DSTN: variants seen among roughly 807,000 people sequenced by gnomAD.
The protein encoded by DSTN is destrin, actin depolymerizing factor.
A neutral mutation model predicts 16.8 loss-of-function variants in DSTN; 10 were observed. The ratio of observed to expected loss-of-function variants is 0.60; its 90% CI spans 0.37 to 1.01. DSTN has a LOEUF of 1.01. DSTN is among the 50% of genes least tolerant of loss of function. DSTN has a pLI of 0.01. For missense variants in DSTN, 141 were observed against 196.7 expected, an observed-to-expected ratio of 0.72 and a Z score of 1.69; for synonymous variants, 57 against 58.9, an observed-to-expected ratio of 0.97 and a Z score of 0.14.
chr20:17,605,801 G>A (rs1428586175), intron 3 of DSTN, among the ~76,000 whole-genome samples: 1 of 152,128 alleles, frequency 6.6e-6, no homozygotes, highest in Non-Finnish European at 1.5e-5. Context: ...TTGATTTGGT[G>A]ATACTAAAAG....
intron 1 of DSTN, among the ~76,000 whole-genome samples, chr20:17,578,459 T>C (rs1209276982): frequency 2.6e-5 from 4 of 152,242 alleles, no homozygotes; most frequent in African/African-American, 7.2e-5. Flanking sequence ...GTATACTGCA[T>C]GATAATTTAC....
chr20:17,595,883 T>TA (rs946935129), intron 1 of DSTN, among the ~76,000 whole-genome samples: 2 of 152,206 alleles, frequency 1.3e-5, no homozygotes, highest in African/African-American at 4.8e-5. Flanking sequence ...CTAGAACAGT[T>TA]ACATCTCCCC....
intron 3 of DSTN, chr20:17,605,236 A>G: frequency 8.8e-6 from 4 of 455,130 alleles, no homozygotes; most frequent in Admixed American, 7.1e-5. Context: ...AAGAACGTGC[A>G]TGGGGCAAGT....
At chr20:17,601,989 G>A (rs1376728261) in intron 2 of DSTN, among the ~76,000 whole-genome samples, 5 of 150,506 alleles carry the variant, frequency 3.3e-5, no homozygotes, top group Non-Finnish European at 7.4e-5. Flanking sequence ...TTTGGCCTGA[G>A]TCAGGGCAAG....
At chr20:17,601,605 T>C (rs1013130961) in intron 2 of DSTN, among the ~76,000 whole-genome samples, 1 of 152,228 alleles carries the variant, frequency 6.6e-6, no homozygotes, top group Non-Finnish European at 1.5e-5. Context: ...TTACCACATT[T>C]CAAATGCTCA....
chr20:17,603,074 T>A (rs2035604279), intron 2 of DSTN, among the ~76,000 whole-genome samples: 1 of 152,168 alleles, frequency 6.6e-6, no homozygotes, highest in South Asian at 2.1e-4. Flanking sequence ...CTGCCAGTCC[T>A]GAGGTTGTGA....
At chr20:17,589,931 G>C (rs534375649) in intron 1 of DSTN, among the ~76,000 whole-genome samples, 1 of 152,222 alleles carries the variant, frequency 6.6e-6, no homozygotes, top group African/African-American at 2.4e-5. Context: ...CTTTCATCCT[G>C]TTTTCTCTAT....
intron 1 of DSTN, among the ~76,000 whole-genome samples, chr20:17,598,573 A>G (rs1430710733): frequency 1.3e-5 from 2 of 151,884 alleles, no homozygotes; most frequent in South Asian, 4.2e-4. Flanking sequence ...GCCTTTTTTT[A>G]TAATTGAGTT....
intron 1 of DSTN, 58 bp downstream of exon 1, chr20:17,570,269 G>A: frequency 6.2e-6 from 9 of 1,444,186 alleles, no homozygotes; most frequent in South Asian, 1.4e-5. Flanking sequence ...TGTGTCTCTG[G>A]GGCGCCGCGG....
chr20:17,574,681 G>A (rs747346761), intron 1 of DSTN, among the ~76,000 whole-genome samples: 5 of 126,966 alleles, frequency 3.9e-5, no homozygotes, highest in Non-Finnish European at 6.2e-5. Context: ...AGCTAAGATC[G>A]CACCATTGCA....
intron 1 of DSTN, among the ~76,000 whole-genome samples, chr20:17,571,398 T>C (rs2035205526): frequency 6.6e-6 from 1 of 152,214 alleles, no homozygotes; most frequent in Non-Finnish European, 1.5e-5. Context: ...GGCGGCCCCT[T>C]AGTGAAAGAA....
chr20:17,593,640 A>G (rs182904060), intron 1 of DSTN, among the ~76,000 whole-genome samples: 22 of 152,326 alleles, frequency 1.4e-4, no homozygotes, highest in South Asian at 6.2e-4. Context: ...GGGAAGTGCT[A>G]TCTAGGCAGG....
At chr20:17,592,327 T>C (rs2122190591) in intron 1 of DSTN, among the ~76,000 whole-genome samples, 1 of 150,784 alleles carries the variant, frequency 6.6e-6, no homozygotes, top group Non-Finnish European at 1.5e-5. Flanking sequence ...CTCAGGAGGC[T>C]GAGGTGGGAG....
chr20:17,591,704 GAT>G (rs1487660438), intron 1 of DSTN, among the ~76,000 whole-genome samples: 1 of 152,178 alleles, frequency 6.6e-6, no homozygotes, highest in East Asian at 1.9e-4. Context: ...ATTAGAGTTA[GAT>G]AATAACTGAT....
chr20:17,587,672 T>C (rs1018670151), intron 1 of DSTN, among the ~76,000 whole-genome samples: 29 of 152,084 alleles, frequency 1.9e-4, no homozygotes, highest in African/African-American at 6.8e-4. Context: ...GTGACTTTGA[T>C]ATTAGAGGCA....
At chr20:17,572,216 G>A (rs2035214931) in intron 1 of DSTN, among the ~76,000 whole-genome samples, 1 of 152,196 alleles carries the variant, frequency 6.6e-6, no homozygotes, top group Admixed American at 6.5e-5. Context: ...CTGAAATAAA[G>A]CAGTTTGAAA....
Position 17,570,173 on chromosome 20 carries a change from T to C in DSTN, c.-36T>C. The C allele has an allele frequency of 2.0e-6, 3 of 1,518,220 alleles. No individual in the cohort carries two copies. The highest frequency in any genetic ancestry group is 2.6e-6 in the Non-Finnish European group (3 of 1,136,928). The allele number at this position is 1,518,220 out of a possible 1,614,324, so 94.0% of individuals were successfully genotyped here. On this transcript the variant is annotated 5_prime_UTR_variant, in exon 1 of 4. Transcript: ENST00000246069. ...GTCTGCATACTCGCTGCCCGCCGGCTCCCTCCCCCGCGTCCCTGCGACCGC... is the reference window on the plus strand; with the variant it reads ...GTCTGCATACTCGCTGCCCGCCGGCCCCCTCCCCCGCGTCCCTGCGACCGC...
Position 17,607,085 on chromosome 20 carries a change from C to T in DSTN, c.437C>T (p.Ala146Val). 2 of 1,613,478 alleles carry T rather than the reference C, an allele frequency of 1.2e-6. No homozygotes were observed. The highest frequency in any genetic ancestry group is 2.2e-5 in the South Asian group (2 of 91,048). ...AATGGACCAGAAGATCTCAATCGGG[C>T]TTGTATTGCTGAAAAGTTAGGTGGA... ...QANGPEDLNR[A>V]CIAEKLGGSL... The change falls in exon 4 of 4, where the codon GCT becomes GTT. Residue 146 changes from alanine (A) to valine (V), a missense_variant. By Grantham distance (64) the Ala-to-Val change is moderately conservative (BLOSUM62 0). Coordinates refer to ENST00000246069, the MANE Select transcript of DSTN (RefSeq NM_006870.4).
At chr20:17,603,617 G>A (rs117257014) in intron 2 of DSTN, among the ~76,000 whole-genome samples, 220 of 152,328 alleles carry the variant, frequency 1.4e-3, no homozygotes, top group African/African-American at 4.3e-3. Context: ...GTTTCTGTCC[G>A]TTACTAATCA....
Sources: gnomAD v4.1 joint callset for allele counts (sites outside exome capture counted in the v4.1 genomes callset) on GRCh38, gnomAD v4.1.1 for gene constraint, MANE v1.5 for transcripts, NCBI Gene and HGNC (gene_info 2026-07-23, HGNC 2026-07-21) for gene names.